The following IL1RAPL1 variants were observed in gnomAD, a reference collection of about 807,000 sequenced individuals.
IL1RAPL1 encodes the protein interleukin-1 receptor accessory protein-like 1.
In IL1RAPL1, 3 loss-of-function variants were observed where a neutral mutation model predicts 48.4. That is an observed-to-expected ratio of 0.06 (90% CI 0.03 to 0.16). IL1RAPL1 has a LOEUF of 0.16. IL1RAPL1 is among the 10% of genes least tolerant of loss of function. The pLI, the probability that IL1RAPL1 is intolerant of heterozygous loss-of-function variation, is 1.00. For missense variants in IL1RAPL1, 349 were observed against 530.6 expected (o/e 0.66, Z 3.36); for synonymous variants, 185 against 187.7 (o/e 0.99, Z 0.12).
chrX:29,055,238 C>G (rs774927521), intron 2 of IL1RAPL1, among the ~76,000 whole-genome samples: 1 of 111,019 alleles, frequency 9.0e-6, no homozygotes, highest in East Asian at 2.8e-4. Context: ...CCCCTCAGTG[C>G]AATTTTTTTC....
At chrX:29,292,436 A>G (rs1932384947) in intron 3 of IL1RAPL1, among the ~76,000 whole-genome samples, 1 of 111,827 alleles carries the variant, frequency 8.9e-6, no homozygotes, top group Admixed American at 9.5e-5. Flanking sequence ...AGTAACTGCT[A>G]TAACTGTAGT....
intron 9 of IL1RAPL1, among the ~76,000 whole-genome samples, chrX:29,943,322 T>C (rs1389239940): frequency 8.9e-6 from 1 of 111,943 alleles, no homozygotes; most frequent in Non-Finnish European, 1.9e-5. Context: ...CCAAGCATAG[T>C]GCTAGGCATT....
chrX:28,768,840 A>G (rs1456204169), intron 1 of IL1RAPL1, among the ~76,000 whole-genome samples: 2 of 95,736 alleles, frequency 2.1e-5, no homozygotes, highest in African/African-American at 3.7e-5. Flanking sequence ...ATATATATAT[A>G]TATATATATA....
chrX:29,131,556 C>T (rs1202503333), intron 2 of IL1RAPL1, among the ~76,000 whole-genome samples: 1 of 110,973 alleles, frequency 9.0e-6, no homozygotes, highest in Admixed American at 9.7e-5. Flanking sequence ...CCACAGTTAG[C>T]ACTTCTGGGA....
At chrX:29,009,842 G>A (rs183141976) in intron 2 of IL1RAPL1, among the ~76,000 whole-genome samples, 33 of 111,683 alleles carry the variant, frequency 3.0e-4, no homozygotes, top group Admixed American at 2.7e-3. Flanking sequence ...ACATTGCTTT[G>A]GGCAGTATGG....
chrX:29,684,333 G>T (rs148464505), intron 6 of IL1RAPL1, among the ~76,000 whole-genome samples: 372 of 111,240 alleles, frequency 3.3e-3, no homozygotes, highest in Non-Finnish European at 5.1e-3. Flanking sequence ...AAGCAAAGCA[G>T]CTCTCTAACC....
chrX:29,906,301 C>T (rs1176110493), intron 6 of IL1RAPL1, among the ~76,000 whole-genome samples: 1 of 100,304 alleles, frequency 1.0e-5, no homozygotes, highest in African/African-American at 3.7e-5. Flanking sequence ...CGCCACTGCA[C>T]TCCAGCCTGG....
At chrX:29,927,888 AGGAGGGAGGGAG>A (rs1229286766) in intron 8 of IL1RAPL1, among the ~76,000 whole-genome samples, 13 of 84,045 alleles carry the variant, frequency 1.5e-4, no homozygotes, top group Middle Eastern at 5.3e-3. Flanking sequence ...CTTCAAAAGC[AGGAGGGAGGGAG>A]GGAGGGAGGG....
At chrX:29,755,033 A>C (rs1281440575) in intron 6 of IL1RAPL1, among the ~76,000 whole-genome samples, 1 of 111,875 alleles carries the variant, frequency 8.9e-6, no homozygotes, top group Non-Finnish European at 1.9e-5. Context: ...TTGTTGGCAG[A>C]ATTTAGTTTC....
chrX:29,296,852 C>A (rs1173373292), intron 3 of IL1RAPL1, among the ~76,000 whole-genome samples: 1 of 111,956 alleles, frequency 8.9e-6, no homozygotes, highest in Non-Finnish European at 1.9e-5. Flanking sequence ...TTCTTTAAAT[C>A]TTTGGTGAAG....
chrX:29,637,435 T>G (rs1038586375), intron 5 of IL1RAPL1, among the ~76,000 whole-genome samples: 2 of 110,637 alleles, frequency 1.8e-5, no homozygotes, highest in Admixed American at 1.9e-4. Flanking sequence ...TTAAGGAGAA[T>G]TAAGCTATAT....
chrX:29,702,633 G>C (rs992930318), intron 6 of IL1RAPL1, among the ~76,000 whole-genome samples: 1 of 111,758 alleles, frequency 8.9e-6, no homozygotes, highest in Admixed American at 9.5e-5. Flanking sequence ...TCATTTGCGT[G>C]ATCTTAGACT....
chrX:29,145,271 G>T (rs1419944287), intron 2 of IL1RAPL1, among the ~76,000 whole-genome samples: 1 of 111,852 alleles, frequency 8.9e-6, no homozygotes, highest in Non-Finnish European at 1.9e-5. Flanking sequence ...TATGAGTGAA[G>T]AAAGTTGGAT....
chrX:29,759,980 G>A (rs1019655474), intron 6 of IL1RAPL1, among the ~76,000 whole-genome samples: 3 of 111,452 alleles, frequency 2.7e-5, no homozygotes, highest in Admixed American at 9.6e-5. Context: ...CTTGAAAATG[G>A]GGCAAAGCAT....
intron 3 of IL1RAPL1, among the ~76,000 whole-genome samples, chrX:29,340,535 T>C (rs1396470711): frequency 8.9e-6 from 1 of 112,260 alleles, no homozygotes; most frequent in African/African-American, 3.2e-5. Context: ...CTTTTTATAA[T>C]AAAAGCCTAA....
intron 2 of IL1RAPL1, among the ~76,000 whole-genome samples, chrX:28,841,818 A>C (rs1921380349): frequency 9.0e-6 from 1 of 111,333 alleles, no homozygotes; most frequent in Non-Finnish European, 1.9e-5. Flanking sequence ...TTAAGAGTTA[A>C]AATTATGATT....
intron 1 of IL1RAPL1, among the ~76,000 whole-genome samples, chrX:28,746,410 T>C: frequency 9.0e-6 from 1 of 111,689 alleles, no homozygotes; most frequent in Non-Finnish European, 1.9e-5. Context: ...ATATAAATAG[T>C]TTCAAGGTGG....
chrX:29,788,031 TTATTGTC>T (rs1263935686), intron 6 of IL1RAPL1, among the ~76,000 whole-genome samples: 1 of 112,106 alleles, frequency 8.9e-6, no homozygotes, highest in African/African-American at 3.2e-5. Context: ...CAATGATACT[TTATTGTC>T]TGTTGCTATG....
intron 1 of IL1RAPL1, among the ~76,000 whole-genome samples, chrX:28,694,618 A>T (rs916561406): frequency 1.7e-4 from 19 of 111,985 alleles, no homozygotes; most frequent in African/African-American, 6.2e-4. Context: ...TTCGTAGGAC[A>T]ATTCAAAAAA....
Sources: gnomAD v4.1 joint callset for allele counts (sites outside exome capture counted in the v4.1 genomes callset) on GRCh38, gnomAD v4.1.1 for gene constraint, MANE v1.5 for transcripts, NCBI Gene and HGNC (gene_info 2026-07-23, HGNC 2026-07-21) for gene names.